The following CDH4 variants were observed in gnomAD, a reference collection of about 807,000 sequenced individuals.
The protein encoded by CDH4 is cadherin 4, also known as cadherin-4.
In CDH4, 33 loss-of-function variants were observed where a neutral mutation model predicts 86.0. That is an observed-to-expected ratio of 0.38 (90% CI 0.29 to 0.51). CDH4 has a LOEUF of 0.51. CDH4 is among the 20% of genes least tolerant of loss of function. CDH4 has a pLI of 0.86. For synonymous variants in CDH4, 555 were observed against 549.4 expected (o/e 1.01, Z -0.14); for missense variants, 1,114 against 1,307.4 (o/e 0.85, Z 2.28).
intron 2 of CDH4, among the ~76,000 whole-genome samples, chr20:61,589,072 C>T (rs932067534): frequency 2.6e-5 from 4 of 152,194 alleles, no homozygotes; most frequent in African/African-American, 4.8e-5. Flanking sequence ...GATTTCAGGC[C>T]ACCTCTTAAT....
chr20:61,812,059 C>G (rs1980465838), intron 4 of CDH4, among the ~76,000 whole-genome samples: 1 of 152,130 alleles, frequency 6.6e-6, no homozygotes. Flanking sequence ...TTTCCTGTTT[C>G]TCCCCCGCTG....
chr20:61,898,278 G>A (rs932683899), intron 8 of CDH4, among the ~76,000 whole-genome samples: 2 of 152,246 alleles, frequency 1.3e-5, no homozygotes, highest in Non-Finnish European at 2.9e-5. Context: ...AGAGATGCAG[G>A]GGATTTGCAT....
At chr20:61,327,142 T>C (rs892712194) in intron 2 of CDH4, among the ~76,000 whole-genome samples, 1 of 152,174 alleles carries the variant, frequency 6.6e-6, no homozygotes, top group African/African-American at 2.4e-5. Flanking sequence ...AAATGATGGC[T>C]TTGAAATCTC....
chr20:61,714,036 A>G (rs978514843), intron 2 of CDH4, among the ~76,000 whole-genome samples: 2 of 137,276 alleles, frequency 1.5e-5, no homozygotes, highest in African/African-American at 3.4e-5. Flanking sequence ...ATTTTATTTT[A>G]TTTTATTTTA....
chr20:61,687,338 C>G (rs1436075809), intron 2 of CDH4, among the ~76,000 whole-genome samples: 5 of 152,158 alleles, frequency 3.3e-5, no homozygotes, highest in Non-Finnish European at 1.5e-5. Context: ...TACACAACCT[C>G]GTCTCCCTTG....
At chr20:61,639,985 T>G (rs1568728171) in intron 2 of CDH4, among the ~76,000 whole-genome samples, 1 of 152,292 alleles carries the variant, frequency 6.6e-6, no homozygotes, top group East Asian at 1.9e-4. Context: ...AAGTAATTAC[T>G]GTCTTATAGG....
intron 4 of CDH4, among the ~76,000 whole-genome samples, chr20:61,789,714 A>T (rs1979069766): frequency 6.6e-6 from 1 of 152,236 alleles, no homozygotes; most frequent in Non-Finnish European, 1.5e-5. Context: ...ATGCAGGCCC[A>T]GAGTTAGGCA....
At chr20:61,312,527 G>A (rs569649890) in intron 2 of CDH4, among the ~76,000 whole-genome samples, 2 of 152,100 alleles carry the variant, frequency 1.3e-5, no homozygotes, top group African/African-American at 4.8e-5. Context: ...CAGCTGGTCC[G>A]TATTGGGGAC....
chr20:61,262,180 G>A (rs928097051), intron 2 of CDH4, among the ~76,000 whole-genome samples: 14 of 152,154 alleles, frequency 9.2e-5, no homozygotes, highest in African/African-American at 2.9e-4. Context: ...AAAGTGCCAC[G>A]ACTGTGCAGC....
intron 2 of CDH4, among the ~76,000 whole-genome samples, chr20:61,608,925 G>A (rs2145756391): frequency 6.6e-6 from 1 of 152,288 alleles, no homozygotes; most frequent in Admixed American, 6.5e-5. Flanking sequence ...CATTTGCTCT[G>A]TGGCACCTGC....
intron 7 of CDH4, among the ~76,000 whole-genome samples, chr20:61,880,236 C>A (rs968936372): frequency 2.0e-5 from 3 of 152,162 alleles, no homozygotes; most frequent in African/African-American, 7.2e-5. Flanking sequence ...GACAGCGAGC[C>A]TCTCGTAAGC....
chr20:61,669,342 C>T (rs1399125733), intron 2 of CDH4, among the ~76,000 whole-genome samples: 1 of 152,226 alleles, frequency 6.6e-6, no homozygotes. Flanking sequence ...CTAGCAGGTC[C>T]ACCATCTGGT....
chr20:61,469,490 T>C (rs2085490599), intron 2 of CDH4, among the ~76,000 whole-genome samples: 1 of 152,214 alleles, frequency 6.6e-6, no homozygotes, highest in Non-Finnish European at 1.5e-5. Flanking sequence ...TTTGCACATA[T>C]TTTCTCCCAT....
At chr20:61,801,025 C>G (rs1979802718) in intron 4 of CDH4, among the ~76,000 whole-genome samples, 1 of 152,136 alleles carries the variant, frequency 6.6e-6, no homozygotes. Context: ...TTGTCCCCTT[C>G]TCATCTGTCA....
intron 2 of CDH4, among the ~76,000 whole-genome samples, chr20:61,291,690 T>TGTG (rs2084321789): frequency 8.7e-5 from 2 of 23,088 alleles, no homozygotes; most frequent in Admixed American, 7.8e-4. Flanking sequence ...GGGTTTCCAG[T>TGTG]CTGACCCTAT....
rs542460554 is a variant in CDH4 at position 61,850,570 on chromosome 20, G to A, written c.733-2184G>A. On this transcript the variant is annotated intron_variant, in intron 5 of 15. Transcript: ENST00000614565. ...ACACATTTCCCCCGAGCGCCTTCCCGCCCCAATGCCAGACCACGCCCATGT... is the reference window on the plus strand; with the variant it reads ...ACACATTTCCCCCGAGCGCCTTCCCACCCCAATGCCAGACCACGCCCATGT... Among the ~76,000 whole-genome samples the A allele has an allele frequency of 1.1e-4, 17 of 152,252 alleles. 1 individual carries two copies. In the South Asian group the frequency reaches 2.9e-3, roughly 26 times the overall value.
rs2087506843 is a variant in CDH4 at position 61,681,024 on chromosome 20, A to T, written c.170-62539A>T. ...TCCACCCATTTCTTTGGGAAGACAAATAGGTGACATTCCAGAAAGAAACAT... is the reference window on the plus strand; with the variant it reads ...TCCACCCATTTCTTTGGGAAGACAATTAGGTGACATTCCAGAAAGAAACAT... On this transcript the variant is annotated intron_variant, in intron 2 of 15. Coordinates refer to ENST00000614565, the MANE Select transcript of CDH4 (RefSeq NM_001794.5). The surrounding 1 kb of genome is among the most constrained non-coding windows in gnomAD (Gnocchi z 4.5). Among the ~76,000 whole-genome samples the T allele has an allele frequency of 6.6e-6, 1 of 152,194 alleles. No individual in the cohort carries two copies. Among genetic ancestry groups the T allele is most frequent in the South Asian group, 2.1e-4 (1 of 4,826 alleles).
intron 2 of CDH4, chr20:61,719,505 C>T (rs928997747): frequency 2.4e-5 from 5 of 211,700 alleles, no homozygotes; most frequent in Non-Finnish European, 4.0e-5. Flanking sequence ...CCCCTCCCAA[C>T]CCAAAGAGAG....
intron 2 of CDH4, among the ~76,000 whole-genome samples, chr20:61,638,496 C>T (rs1261004142): frequency 6.6e-6 from 1 of 152,042 alleles, no homozygotes; most frequent in Non-Finnish European, 1.5e-5. Flanking sequence ...TCTGGGGGGA[C>T]ACTTTGGAAG....
Sources: gnomAD v4.1 joint callset for allele counts (sites outside exome capture counted in the v4.1 genomes callset) on GRCh38, gnomAD v4.1.1 for gene constraint, Gnocchi (gnomAD v3.1) non-coding constraint, MANE v1.5 for transcripts, NCBI Gene and HGNC (gene_info 2026-07-23, HGNC 2026-07-21) for gene names.